ADK: variants seen among roughly 807,000 people sequenced by gnomAD.
The protein encoded by ADK is adenosine kinase, also known as N6,N6-dimethyladenosine kinase.
ADK carries 24 observed loss-of-function variants against 44.7 expected under a neutral mutation model. That is an observed-to-expected ratio of 0.54 (90% CI 0.39 to 0.76). The LOEUF (loss-of-function observed/expected upper bound fraction) is 0.76, where lower values mean the gene tolerates loss of function less well. Ranked by LOEUF, ADK falls within the 30% of genes least tolerant of loss-of-function variation. ADK has a pLI of 0.00. For synonymous variants in ADK, 128 were observed against 142.6 expected (o/e 0.90, Z 0.73); for missense variants, 321 against 425.1 (o/e 0.76, Z 2.15).
At chr10:74,233,642 T>G (rs1844860323) in intron 3 of ADK, among the ~76,000 whole-genome samples, 1 of 152,192 alleles carries the variant, frequency 6.6e-6, no homozygotes, top group African/African-American at 2.4e-5. Flanking sequence ...TACCTTAACT[T>G]TGTTTAATCA....
chr10:74,263,745 G>C (rs1846123421), intron 3 of ADK, among the ~76,000 whole-genome samples: 1 of 152,126 alleles, frequency 6.6e-6, no homozygotes, highest in South Asian at 2.1e-4. Context: ...GTATTGATTT[G>C]CGTGTTCTAA....
chr10:74,615,108 T>G (rs1852700936), intron 9 of ADK, among the ~76,000 whole-genome samples: 1 of 152,214 alleles, frequency 6.6e-6, no homozygotes, highest in South Asian at 2.1e-4. Context: ...CTTATTTGTT[T>G]TATCCTAAAG....
intron 1 of ADK, among the ~76,000 whole-genome samples, chr10:74,185,035 A>G (rs1842694814): frequency 6.6e-6 from 1 of 152,186 alleles, no homozygotes; most frequent in Non-Finnish European, 1.5e-5. Context: ...TTGTTTCCTC[A>G]TCCGTTAAAA....
chr10:74,560,785 A>C (rs1188241646), intron 7 of ADK, among the ~76,000 whole-genome samples: 1 of 152,210 alleles, frequency 6.6e-6, no homozygotes, highest in Non-Finnish European at 1.5e-5. Flanking sequence ...CTCATTCTAC[A>C]TACTGTTCTA....
intron 3 of ADK, among the ~76,000 whole-genome samples, chr10:74,294,193 G>A (rs1839730390): frequency 6.6e-6 from 1 of 151,584 alleles, no homozygotes; most frequent in South Asian, 2.1e-4. Context: ...GAATATTTGG[G>A]TTGTTACTAG....
At chr10:74,295,962 T>G (rs1353416023) in intron 3 of ADK, among the ~76,000 whole-genome samples, 1 of 152,178 alleles carries the variant, frequency 6.6e-6, no homozygotes, top group Non-Finnish European at 1.5e-5. Context: ...GTGCCTTCTT[T>G]GTAAGAGTTC....
At chr10:74,237,595 G>A (rs1031344168) in intron 3 of ADK, among the ~76,000 whole-genome samples, 2 of 152,172 alleles carry the variant, frequency 1.3e-5, no homozygotes, top group South Asian at 2.1e-4. Context: ...ATTTTAGTTT[G>A]TCTGATCCAT....
chr10:74,291,374 A>AGCT (rs1847427104), intron 3 of ADK, among the ~76,000 whole-genome samples: 3 of 152,082 alleles, frequency 2.0e-5, no homozygotes, highest in Non-Finnish European at 2.9e-5. Context: ...CTGAGACCGC[A>AGCT]CCATTGCACT....
chr10:74,396,889 A>G (rs1278348288), intron 5 of ADK, among the ~76,000 whole-genome samples: 2 of 151,820 alleles, frequency 1.3e-5, no homozygotes, highest in South Asian at 2.1e-4. Context: ...CCGGAGGCGG[A>G]GGTTGCAGTG....
intron 9 of ADK, among the ~76,000 whole-genome samples, chr10:74,616,955 G>C (rs549934749): frequency 6.6e-6 from 1 of 151,692 alleles, no homozygotes; most frequent in African/African-American, 2.4e-5. Flanking sequence ...TTAGGTTTTC[G>C]ATGCTATCTA....
At chr10:74,329,968 C>T (rs1406262286) in intron 4 of ADK, among the ~76,000 whole-genome samples, 1 of 151,458 alleles carries the variant, frequency 6.6e-6, no homozygotes, top group Non-Finnish European at 1.5e-5. Context: ...TCAAGACCAG[C>T]CTGGGCAACA....
chr10:74,655,658 A>T, intron 9 of ADK: 1 of 450,132 alleles, frequency 2.2e-6, no homozygotes, highest in South Asian at 1.8e-5. Context: ...AGCAGCCAGG[A>T]AGACCCCCGG....
At chr10:74,318,069 C>T (rs1028218329) in intron 4 of ADK, among the ~76,000 whole-genome samples, 6 of 152,086 alleles carry the variant, frequency 3.9e-5, no homozygotes, top group South Asian at 2.1e-4. Context: ...CATGAGCCAC[C>T]GTGCCTGGCC....
In ADK at chr10:74,151,264, G is replaced by T. The variant is rs1254658119; in HGVS notation, c.-15G>T. On this transcript the variant is annotated 5_prime_UTR_variant, in exon 1 of 11. Transcript: ENST00000539909. ...GAGGTGGGCTGTAGAGCCAAAGTGG[G>T]GTGGGAGCGCGAAGATGGCAGCTGC... 6.5e-7 allele frequency: 1 copy of T among 1,549,676 alleles called. No homozygotes were observed. The highest frequency in any genetic ancestry group is 1.2e-5 in the South Asian group (1 of 83,974).
chr10:74,208,655 G>A (rs1035717621), intron 2 of ADK, among the ~76,000 whole-genome samples: 4 of 151,882 alleles, frequency 2.6e-5, no homozygotes, highest in South Asian at 4.1e-4. Flanking sequence ...TAAACGAATC[G>A]TGTTTAGCCT....
chr10:74,296,836 G>A (rs1490638607), intron 3 of ADK, among the ~76,000 whole-genome samples: 1 of 151,902 alleles, frequency 6.6e-6, no homozygotes, highest in African/African-American at 2.4e-5. Flanking sequence ...GGATGGTCTT[G>A]ATCTCCTGAC....
intron 9 of ADK, among the ~76,000 whole-genome samples, chr10:74,620,719 T>C (rs533848856): frequency 1.1e-4 from 17 of 152,156 alleles, no homozygotes; most frequent in Non-Finnish European, 2.5e-4. Flanking sequence ...TTTTCTCTTT[T>C]TAATGATAGC....
chr10:74,171,793 T>G (rs1842165246), intron 1 of ADK, among the ~76,000 whole-genome samples: 1 of 144,466 alleles, frequency 6.9e-6, no homozygotes, highest in Non-Finnish European at 1.5e-5. Context: ...ACTCTCTTTC[T>G]GTCTCTCTCT....
At chr10:74,331,481 C>CTATT (rs940016320) in intron 4 of ADK, among the ~76,000 whole-genome samples, 1 of 152,020 alleles carries the variant, frequency 6.6e-6, no homozygotes, top group Non-Finnish European at 1.5e-5. Context: ...GTCTACATTT[C>CTATT]TATTTATTTA....
Sources: allele counts gnomAD v4.1 joint callset (sites outside exome capture counted in the v4.1 genomes callset), GRCh38; gene constraint gnomAD v4.1.1; transcripts MANE v1.5; gene names NCBI Gene and HGNC (gene_info 2026-07-23, HGNC 2026-07-21).